Variants in LRRC4C observed in about 807,000 individuals in gnomAD.
LRRC4C encodes leucine-rich repeat-containing protein 4C.
In LRRC4C, 5 loss-of-function variants were observed where a neutral mutation model predicts 33.6. That is an observed-to-expected ratio of 0.15 (90% CI 0.08 to 0.31). LRRC4C has a LOEUF of 0.31. LRRC4C is among the 10% of genes least tolerant of loss of function. The pLI is 1.00. For missense variants in LRRC4C, 560 were observed against 796.7 expected, an observed-to-expected ratio of 0.70 and a Z score of 3.58; for synonymous variants, 329 against 302.0, an observed-to-expected ratio of 1.09 and a Z score of -0.93.
chr11:40,260,294 T>G (rs1867596538), intron 4 of LRRC4C, among the ~76,000 whole-genome samples: 1 of 139,272 alleles, frequency 7.2e-6, no homozygotes, highest in Admixed American at 7.5e-5. Flanking sequence ...CTCAGTAAAT[T>G]ATCACAAGAA....
At chr11:40,525,360 C>G (rs1197292444) in intron 3 of LRRC4C, among the ~76,000 whole-genome samples, 1 of 152,022 alleles carries the variant, frequency 6.6e-6, no homozygotes, top group South Asian at 2.1e-4. Flanking sequence ...GCAGGAGAAT[C>G]GCTTGAACCC....
At chr11:40,462,394 G>A (rs1952441635) in intron 3 of LRRC4C, among the ~76,000 whole-genome samples, 1 of 151,912 alleles carries the variant, frequency 6.6e-6, no homozygotes, top group African/African-American at 2.4e-5. Context: ...TACTTAAAGG[G>A]GTAGATTTTC....
intron 5 of LRRC4C, among the ~76,000 whole-genome samples, chr11:40,170,717 C>G (rs189916983): frequency 1.6e-4 from 24 of 152,304 alleles, no homozygotes; most frequent in African/African-American, 5.8e-4. Context: ...GACATTCTAA[C>G]TTCATCAGGT....
chr11:40,780,874 A>C (rs932651226), intron 2 of LRRC4C, among the ~76,000 whole-genome samples: 4 of 152,036 alleles, frequency 2.6e-5, no homozygotes, highest in Non-Finnish European at 4.4e-5. Flanking sequence ...AGGGAGTGGA[A>C]AGGGAGGGAG....
intron 3 of LRRC4C, among the ~76,000 whole-genome samples, chr11:40,479,089 A>C (rs1953405162): frequency 6.6e-6 from 1 of 152,172 alleles, no homozygotes; most frequent in Non-Finnish European, 1.5e-5. Context: ...GGAATGTCCA[A>C]TGTTAATAAT....
At chr11:40,824,170 A>G (rs1952060716) in intron 2 of LRRC4C, among the ~76,000 whole-genome samples, 1 of 151,846 alleles carries the variant, frequency 6.6e-6, no homozygotes, top group African/African-American at 2.4e-5. Flanking sequence ...AAAAGGGATG[A>G]GGGAAATTTG....
intron 1 of LRRC4C, among the ~76,000 whole-genome samples, chr11:41,401,824 G>A (rs1954036711): frequency 6.6e-6 from 1 of 151,902 alleles, no homozygotes; most frequent in Non-Finnish European, 1.5e-5. Flanking sequence ...AATGTTTAGA[G>A]CCATTGTAGG....
At chr11:40,574,915 C>T (rs552542263) in intron 3 of LRRC4C, among the ~76,000 whole-genome samples, 8 of 152,282 alleles carry the variant, frequency 5.3e-5, no homozygotes, top group Non-Finnish European at 1.0e-4. Context: ...GAAGGTTGCA[C>T]GCCATCTCCA....
chr11:40,582,209 C>T (rs532152918), intron 3 of LRRC4C, among the ~76,000 whole-genome samples: 11 of 151,900 alleles, frequency 7.2e-5, no homozygotes, highest in Non-Finnish European at 1.0e-4. Context: ...AACATTTTTA[C>T]GTAAGGTTTT....
chr11:40,149,384 A>T lies in LRRC4C; in HGVS notation c.-95-8531T>A, dbSNP rs529677231. Among the ~76,000 whole-genome samples the T allele has an allele frequency of 3.3e-5, 5 of 152,084 alleles. No homozygotes were observed. In the South Asian group the frequency reaches 1.0e-3, roughly 32 times the overall value. ...CCTTGAGGAGTGTTTTGTAGTTCTCATTGTTGAGATCTTTCACCTCCCTGG... is the reference window on the plus strand; with the variant it reads ...CCTTGAGGAGTGTTTTGTAGTTCTCTTTGTTGAGATCTTTCACCTCCCTGG... On this transcript the variant is annotated intron_variant, in intron 5 of 6. Transcript: ENST00000528697.
intron 1 of LRRC4C, among the ~76,000 whole-genome samples, chr11:41,094,089 C>T (rs975716971): frequency 6.6e-6 from 1 of 151,444 alleles, no homozygotes; most frequent in Non-Finnish European, 1.5e-5. Context: ...TGCACTCCAG[C>T]CTGGCGACAG....
chr11:40,516,609 T>C (rs1955570206), intron 3 of LRRC4C, among the ~76,000 whole-genome samples: 1 of 152,048 alleles, frequency 6.6e-6, no homozygotes, highest in Admixed American at 6.6e-5. Context: ...AATATTTCCT[T>C]TTTACTTCTT....
At chr11:40,950,696 CTTAA>C (rs1479973928) in intron 1 of LRRC4C, among the ~76,000 whole-genome samples, 4 of 152,022 alleles carry the variant, frequency 2.6e-5, no homozygotes, top group African/African-American at 9.6e-5. Flanking sequence ...ACAAATAATA[CTTAA>C]TTGTGTCTTA....
rs980158777 is a variant in LRRC4C at position 40,853,422 on chromosome 11, A to G, written c.-407+80213T>C. Among the ~76,000 whole-genome samples the G allele has an allele frequency of 7.4e-5, 11 of 148,288 alleles. No individual in the cohort carries two copies. The Admixed American group carries it at 7.4e-4, about 10-fold the overall frequency. ...TATATGTTTATAATTATATTTATAT[A>G]TTTATATAGATATATATTTATATAA... On this transcript the variant is annotated intron_variant, in intron 2 of 6. Transcript: ENST00000528697.
intron 2 of LRRC4C, among the ~76,000 whole-genome samples, chr11:40,656,306 A>G (rs1183640236): frequency 6.7e-6 from 1 of 148,988 alleles, no homozygotes; most frequent in Non-Finnish European, 1.5e-5. Context: ...TTTTTTCCCT[A>G]ATTTCCTCCT....
chr11:40,578,948 C>T (rs1198234872), intron 3 of LRRC4C, among the ~76,000 whole-genome samples: 2 of 152,112 alleles, frequency 1.3e-5, no homozygotes, highest in Non-Finnish European at 2.9e-5. Context: ...TTACCCCAAA[C>T]CTATTGGCCA....
rs562035528 is a variant in LRRC4C at position 40,509,887 on chromosome 11, G to A, written c.-270+138255C>T. Among the ~76,000 whole-genome samples, 3 of 152,240 alleles carry A rather than the reference G, an allele frequency of 2.0e-5. No homozygotes were observed. The East Asian group carries it at 5.8e-4, about 29-fold the overall frequency. ...TGATGATTAAAAATAATCATGGCAG[G>A]TTGCTATTGGCTCCTAAATGATTCA... On this transcript the variant is annotated intron_variant, in intron 3 of 6. Transcript: ENST00000528697.
chr11:41,348,821 A>T (rs1951882475), intron 1 of LRRC4C, among the ~76,000 whole-genome samples: 1 of 152,178 alleles, frequency 6.6e-6, no homozygotes, highest in Admixed American at 6.5e-5. Flanking sequence ...ACAGACCTCC[A>T]AAATTCTAGC....
intron 3 of LRRC4C, among the ~76,000 whole-genome samples, chr11:40,626,144 A>G (rs1962906794): frequency 6.6e-6 from 1 of 152,108 alleles, no homozygotes; most frequent in Non-Finnish European, 1.5e-5. Flanking sequence ...ATCTTTGCTC[A>G]TTGTGCTTCA....
Sources: allele counts gnomAD v4.1 joint callset (sites outside exome capture counted in the v4.1 genomes callset), GRCh38; gene constraint gnomAD v4.1.1; transcripts MANE v1.5; gene names NCBI Gene and HGNC (gene_info 2026-07-23, HGNC 2026-07-21).